The following LUZP2 variants were observed in gnomAD, a reference collection of about 807,000 sequenced individuals.
LUZP2 encodes leucine zipper protein 2.
Under a neutral mutation model 51.6 loss-of-function variants are expected in LUZP2, and 52 were observed. The ratio of observed to expected loss-of-function variants is 1.01; its 90% CI spans 0.81 to 1.27. The LOEUF (loss-of-function observed/expected upper bound fraction) is 1.27. Among genes scored for constraint, LUZP2 ranks in the 50% most tolerant of loss-of-function variants. LUZP2 has a pLI of 0.00. For synonymous variants in LUZP2, 154 were observed against 137.3 expected (o/e 1.12, Z -0.85); for missense variants, 436 against 395.4 (o/e 1.10, Z -0.87).
chr11:25,055,799 C>T (rs921913215), intron 10 of LUZP2, among the ~76,000 whole-genome samples: 2 of 152,122 alleles, frequency 1.3e-5, no homozygotes, highest in Non-Finnish European at 2.9e-5. Context: ...ATTTATGTTT[C>T]AACCAGTTTC....
rs147571855 is a variant in LUZP2, at chr11:25,075,529, CT to C, written c.859-1799del. On this transcript the variant is annotated intron_variant, in intron 10 of 11. Coordinates refer to ENST00000336930, the MANE Select transcript of LUZP2 (RefSeq NM_001009909.4). ...GATCTAGTGGAGATAAATGTTGCCCCTGTCTTAAAGTTATTCACAATATATT... is the reference window on the plus strand; with the variant it reads ...GATCTAGTGGAGATAAATGTTGCCCCGTCTTAAAGTTATTCACAATATATT... Among the ~76,000 whole-genome samples the C allele has an allele frequency of 1.4e-3, 219 of 152,184 alleles. 2 individuals are homozygous for C. Among genetic ancestry groups the C allele is most frequent in the African/African-American group, 5.1e-3 (210 of 41,520 alleles).
At chr11:24,676,769 A>G (rs181668958) in intron 1 of LUZP2, among the ~76,000 whole-genome samples, 19 of 151,878 alleles carry the variant, frequency 1.3e-4, no homozygotes, top group African/African-American at 4.3e-4. Flanking sequence ...GTACAAGTGA[A>G]TCTCCTGCCT....
rs112725232 is a variant in LUZP2, at chr11:24,884,615, G to T, written c.397-21376G>T. Among the ~76,000 whole-genome samples, 13 of 151,976 alleles carry T rather than the reference G, an allele frequency of 8.6e-5. 1 individual carries two copies. The highest frequency in any genetic ancestry group is 3.1e-4 in the African/African-American group (13 of 41,486). On this transcript the variant is annotated intron_variant, in intron 5 of 11. Coordinates refer to ENST00000336930, the MANE Select transcript of LUZP2 (RefSeq NM_001009909.4). ...TTTTGAGTTTAATCTCTCTTCGTTC[G>T]TCAGTCTCTTATGCATGATTTCACT...
intron 9 of LUZP2, among the ~76,000 whole-genome samples, chr11:25,044,255 G>GTATATATA (rs1297961732): frequency 4.4e-3 from 185 of 42,362 alleles, no homozygotes; most frequent in Non-Finnish European, 6.2e-3. Context: ...GTGTGTGTGT[G>GTATATATA]TGTATATATA....
intron 9 of LUZP2, among the ~76,000 whole-genome samples, chr11:25,042,469 A>G (rs1308741104): frequency 6.6e-6 from 1 of 152,222 alleles, no homozygotes; most frequent in Admixed American, 6.6e-5. Flanking sequence ...TTTGCCTTGC[A>G]TAGGAATATG....
chr11:24,821,390 C>G (rs1205564151), intron 5 of LUZP2, among the ~76,000 whole-genome samples: 5 of 152,108 alleles, frequency 3.3e-5, no homozygotes, highest in Admixed American at 3.3e-4. Context: ...ATCTTCAAAT[C>G]AGTTAGTCAA....
intron 5 of LUZP2, among the ~76,000 whole-genome samples, chr11:24,811,920 AG>A (rs1190386927): frequency 6.6e-6 from 1 of 152,190 alleles, no homozygotes; most frequent in Non-Finnish European, 1.5e-5. Context: ...GAATAGCCAG[AG>A]GGTGGGAAGA....
intron 5 of LUZP2, among the ~76,000 whole-genome samples, chr11:24,810,600 G>T (rs751046950): frequency 6.6e-6 from 1 of 152,082 alleles, no homozygotes; most frequent in Non-Finnish European, 1.5e-5. Flanking sequence ...TTACTTCCTC[G>T]TGGGTGAGAT....
intron 5 of LUZP2, among the ~76,000 whole-genome samples, chr11:24,851,690 T>A (rs1397878330): frequency 1.3e-5 from 2 of 152,138 alleles, no homozygotes; most frequent in African/African-American, 4.8e-5. Flanking sequence ...CAGAAAAAAA[T>A]GGTACCAGCT....
chr11:24,551,440 G>A (rs1851721599), intron 1 of LUZP2, among the ~76,000 whole-genome samples: 1 of 151,990 alleles, frequency 6.6e-6, no homozygotes, highest in Non-Finnish European at 1.5e-5. Context: ...CTTGAGTGGG[G>A]GAAGGAGAAT....
At chr11:24,924,344 C>G (rs1469281199) in intron 7 of LUZP2, among the ~76,000 whole-genome samples, 1 of 152,014 alleles carries the variant, frequency 6.6e-6, no homozygotes. Flanking sequence ...TCCCAAATTG[C>G]TGGGATTACA....
intron 1 of LUZP2, among the ~76,000 whole-genome samples, chr11:24,646,303 C>T (rs1855459311): frequency 6.6e-6 from 1 of 151,996 alleles, no homozygotes; most frequent in Admixed American, 6.6e-5. Flanking sequence ...ATGCTTATAA[C>T]AGTTTTATTA....
chr11:24,998,519 G>T (rs536585163), intron 9 of LUZP2, among the ~76,000 whole-genome samples: 1 of 152,190 alleles, frequency 6.6e-6, no homozygotes, highest in South Asian at 2.1e-4. Context: ...GGAGATTTTG[G>T]GTGAGACAAT....
At chr11:24,533,014 T>C (rs1421179126) in intron 1 of LUZP2, among the ~76,000 whole-genome samples, 1 of 151,214 alleles carries the variant, frequency 6.6e-6, no homozygotes, top group South Asian at 2.1e-4. Flanking sequence ...GTTCTTTATA[T>C]CTAACTTGAA....
rs140243414 is a variant in LUZP2 at position 24,654,006 on chromosome 11, T to G, written c.63-75163T>G. Among the ~76,000 whole-genome samples, 229 of 152,252 alleles carry G rather than the reference T, an allele frequency of 1.5e-3. 1 individual carries two copies. Among genetic ancestry groups the G allele is most frequent in the Non-Finnish European group, 2.9e-3 (194 of 68,006 alleles). ...ATAGAAATTTAACAGTTAATTGGAG[T>G]TTGAATAAAGACTTTTAAACAATTA... On this transcript the variant is annotated intron_variant, in intron 1 of 11. Coordinates refer to ENST00000336930, the MANE Select transcript of LUZP2 (RefSeq NM_001009909.4).
chr11:24,918,391 A>G (rs537338039), intron 7 of LUZP2, among the ~76,000 whole-genome samples: 1 of 152,100 alleles, frequency 6.6e-6, no homozygotes, highest in South Asian at 2.1e-4. Context: ...GAGTGGTGAG[A>G]GAGGCCATCC....
intron 9 of LUZP2, among the ~76,000 whole-genome samples, chr11:25,017,760 C>G (rs1228449850): frequency 1.3e-5 from 2 of 152,012 alleles, no homozygotes; most frequent in African/African-American, 4.8e-5. Flanking sequence ...TTTGGCTATT[C>G]TGGCTCTATT....
At chr11:24,840,618 G>A (rs1316324722) in intron 5 of LUZP2, among the ~76,000 whole-genome samples, 1 of 151,874 alleles carries the variant, frequency 6.6e-6, no homozygotes, top group Non-Finnish European at 1.5e-5. Context: ...CTGAAAAAGT[G>A]AATTGGAATA....
chr11:25,010,611 C>G (rs112424028), intron 9 of LUZP2, among the ~76,000 whole-genome samples: 3,156 of 152,056 alleles, frequency 0.021, 53 homozygotes, highest in South Asian at 0.084. Flanking sequence ...CTTTGGGAGG[C>G]TGAGGGAGGC....
Sources: allele counts gnomAD v4.1 joint callset (sites outside exome capture counted in the v4.1 genomes callset), GRCh38; gene constraint gnomAD v4.1.1; transcripts MANE v1.5; gene names NCBI Gene and HGNC (gene_info 2026-07-23, HGNC 2026-07-21).